The following APP variants were observed in gnomAD, a reference collection of about 807,000 sequenced individuals.
APP encodes the protein amyloid beta precursor protein.
APP carries 31 observed loss-of-function variants against 101.4 expected under a neutral mutation model. That is an observed-to-expected ratio of 0.31 (90% confidence interval 0.23 to 0.41). APP has a LOEUF of 0.41. Ranked by LOEUF, APP falls within the 10% of genes least tolerant of loss-of-function variation. The probability of loss-of-function intolerance (pLI) is 1.00; values close to 1 mark genes in which losing one functional copy is unlikely to be tolerated. For synonymous variants in APP, 366 were observed against 364.4 expected, an observed-to-expected ratio of 1.00 and a Z score of -0.05; for missense variants, 839 against 1,003.7, an observed-to-expected ratio of 0.84 and a Z score of 2.22.
At chr21:25,951,978 T>C (rs2041095185) in intron 13 of APP, among the ~76,000 whole-genome samples, 1 of 152,168 alleles carries the variant, frequency 6.6e-6, no homozygotes, top group Admixed American at 6.5e-5. Flanking sequence ...GCTTTGACAC[T>C]AGCAGCTCAG....
chr21:26,169,612 G>A (rs998435833), intron 1 of APP, among the ~76,000 whole-genome samples: 1 of 152,222 alleles, frequency 6.6e-6, no homozygotes, highest in African/African-American at 2.4e-5. Flanking sequence ...GAGGGGCCCC[G>A]AGGCTCCGCC....
intron 6 of APP, among the ~76,000 whole-genome samples, chr21:26,005,665 A>T (rs1451126070): frequency 6.6e-6 from 1 of 152,232 alleles, no homozygotes; most frequent in Non-Finnish European, 1.5e-5. Context: ...ATCTAGTTTC[A>T]TGGAAGATAA....
intron 1 of APP, among the ~76,000 whole-genome samples, chr21:26,122,308 TG>T (rs932954775): frequency 2.0e-5 from 3 of 152,202 alleles, no homozygotes; most frequent in African/African-American, 7.2e-5. Flanking sequence ...CATTCCACAT[TG>T]TCCATACCCT....
intron 7 of APP, among the ~76,000 whole-genome samples, chr21:25,999,202 G>C (rs2043173915): frequency 6.6e-6 from 1 of 152,124 alleles, no homozygotes; most frequent in South Asian, 2.1e-4. Context: ...TGAGGCAGGA[G>C]AATCACTTGA....
intron 17 of APP, among the ~76,000 whole-genome samples, chr21:25,887,606 C>G (rs1296201283): frequency 6.6e-6 from 1 of 151,644 alleles, no homozygotes; most frequent in African/African-American, 2.4e-5. Flanking sequence ...AGTTATGGGC[C>G]ACATAATGAC....
At chr21:25,905,147 A>T (rs1049847511) in intron 14 of APP, 70 bp from the exon 15 acceptor site, 2 of 1,345,888 alleles carry the variant, frequency 1.5e-6, no homozygotes, top group East Asian at 2.3e-5. Context: ...TGGCTCCCAA[A>T]CATAGTCGAG....
intron 1 of APP, among the ~76,000 whole-genome samples, chr21:26,138,189 A>C (rs2062961254): frequency 6.6e-6 from 1 of 152,208 alleles, no homozygotes; most frequent in South Asian, 2.1e-4. Context: ...AATTATTTTA[A>C]AATGCTTCAG....
chr21:26,077,216 G>A (rs1413517677), intron 3 of APP, among the ~76,000 whole-genome samples: 1 of 151,952 alleles, frequency 6.6e-6, no homozygotes, highest in Admixed American at 6.6e-5. Flanking sequence ...ATCATTCACG[G>A]CCATCTCATT....
At chr21:26,063,253 T>C (rs2046340928) in intron 3 of APP, among the ~76,000 whole-genome samples, 1 of 152,196 alleles carries the variant, frequency 6.6e-6, no homozygotes, top group Non-Finnish European at 1.5e-5. Context: ...ATATTATAGC[T>C]TAATATAAAT....
intron 3 of APP, among the ~76,000 whole-genome samples, chr21:26,087,005 T>C (rs889338061): frequency 6.6e-6 from 1 of 152,218 alleles, no homozygotes. Context: ...TGCCTGTCTA[T>C]TAAGTGCAAG....
intron 17 of APP, among the ~76,000 whole-genome samples, chr21:25,887,508 T>C (rs2037402722): frequency 7.2e-6 from 1 of 137,996 alleles, no homozygotes; most frequent in Non-Finnish European, 1.5e-5. Flanking sequence ...CAATATTTCC[T>C]GCTTATTTGA....
At chr21:26,023,690 C>T (rs1265606197) in intron 5 of APP, among the ~76,000 whole-genome samples, 1 of 152,270 alleles carries the variant, frequency 6.6e-6, no homozygotes, top group East Asian at 1.9e-4. Flanking sequence ...GAGACAAAGA[C>T]ACTGTCTCCT....
Position 25,881,786 on chromosome 21 carries a change from G to T in APP, c.2212-15C>A, listed in dbSNP as rs1410825490. ...GCGGCGTCAACCTGAAAAACAAGAGGAGAGCTGAGTAAAAAATAAAAATCA... is the reference window on the plus strand; with the variant it reads ...GCGGCGTCAACCTGAAAAACAAGAGTAGAGCTGAGTAAAAAATAAAAATCA... On this transcript the variant is annotated splice_polypyrimidine_tract_variant and intron_variant, in intron 17 of 17. Coordinates refer to ENST00000346798, the MANE Select transcript of APP (RefSeq NM_000484.4). 6.2e-7 allele frequency: 1 copy of T among 1,610,770 alleles called. No homozygotes were observed.
intron 5 of APP, among the ~76,000 whole-genome samples, chr21:26,044,125 CA>C (rs1463442966): frequency 2.6e-5 from 4 of 152,120 alleles, no homozygotes; most frequent in Admixed American, 6.6e-5. Context: ...GCTGTGTTCC[CA>C]AAGTACTGCA....
chr21:25,899,257 G>T (rs1032215499), intron 15 of APP, among the ~76,000 whole-genome samples: 1 of 152,132 alleles, frequency 6.6e-6, no homozygotes, highest in Admixed American at 6.5e-5. Flanking sequence ...GCCTGCAGTT[G>T]GTCTGGGTCA....
chr21:26,104,606 G>A (rs2062138189), intron 2 of APP, among the ~76,000 whole-genome samples: 1 of 151,828 alleles, frequency 6.6e-6, no homozygotes, highest in Admixed American at 6.6e-5. Flanking sequence ...ACCAAAACCT[G>A]GATCAAAGAA....
At chr21:25,910,582 A>G (rs2146315724) in intron 14 of APP, among the ~76,000 whole-genome samples, 1 of 152,338 alleles carries the variant, frequency 6.6e-6, no homozygotes, top group African/African-American at 2.4e-5. Context: ...GAACATGTAG[A>G]AAAAGATAAA....
At chr21:25,896,263 C>G (rs1318972130) in intron 16 of APP, among the ~76,000 whole-genome samples, 1 of 152,068 alleles carries the variant, frequency 6.6e-6, no homozygotes, top group Non-Finnish European at 1.5e-5. Context: ...GAATGCAAAT[C>G]CAAATCCCAA....
At chr21:25,897,511 A>G (rs2038150432) in intron 16 of APP, 62 bp downstream of exon 16, 1 of 1,222,180 alleles carries the variant, frequency 8.2e-7, no homozygotes, top group Non-Finnish European at 1.2e-6. Flanking sequence ...AGGATGAACC[A>G]GAGTTAATAG....
Sources: gnomAD v4.1 joint callset for allele counts (sites outside exome capture counted in the v4.1 genomes callset) on GRCh38, gnomAD v4.1.1 for gene constraint, MANE v1.5 for transcripts, NCBI Gene and HGNC (gene_info 2026-07-23, HGNC 2026-07-21) for gene names.